EXT2: variants seen among roughly 807,000 people sequenced by gnomAD.
The protein encoded by EXT2 is exostosin-2.
A neutral mutation model predicts 81.6 loss-of-function variants in EXT2; 53 were observed. The observed-to-expected ratio is 0.65, with a 90% confidence interval of 0.52 to 0.82. EXT2 has a LOEUF of 0.82. EXT2 is among the 40% of genes least tolerant of loss of function. The pLI, the probability that EXT2 is intolerant of heterozygous loss-of-function variation, is 0.00. For synonymous variants in EXT2, 320 were observed against 340.0 expected (o/e 0.94, Z 0.65); for missense variants, 774 against 910.2 (o/e 0.85, Z 1.93).
At chr11:44,126,707 C>T (rs1954409739) in intron 5 of EXT2, 109 bp from the exon 6 acceptor site, 1 of 1,379,204 alleles carries the variant, frequency 7.3e-7, no homozygotes, top group Non-Finnish European at 1.0e-6. Context: ...CAAGATGCCT[C>T]AGTATTGCTT....
At chr11:44,224,872 A>T (rs559095441) in intron 10 of EXT2, among the ~76,000 whole-genome samples, 1 of 152,272 alleles carries the variant, frequency 6.6e-6, no homozygotes, top group South Asian at 2.1e-4. Context: ...ACCAAAATCA[A>T]CTTGAAATTT....
At chr11:44,119,333 C>G (rs1954283858) in intron 4 of EXT2, among the ~76,000 whole-genome samples, 1 of 151,676 alleles carries the variant, frequency 6.6e-6, no homozygotes, top group African/African-American at 2.4e-5. Flanking sequence ...CAAAAGGATG[C>G]ACAGCACAGT....
At chr11:44,115,759 C>G (rs1279804017) in intron 4 of EXT2, 1 of 152,172 alleles carries the variant, frequency 6.6e-6, no homozygotes, top group Non-Finnish European at 1.5e-5. Context: ...CAGGAGAAGA[C>G]ATCTCTCTCC....
intron 8 of EXT2, among the ~76,000 whole-genome samples, chr11:44,178,155 G>T (rs1034994684): frequency 6.6e-6 from 1 of 152,232 alleles, no homozygotes; most frequent in Non-Finnish European, 1.5e-5. Context: ...ATGTGGTAGA[G>T]TGTGCCATGG....
At chr11:44,166,425 G>A (rs960418273) in intron 7 of EXT2, among the ~76,000 whole-genome samples, 7 of 152,234 alleles carry the variant, frequency 4.6e-5, no homozygotes, top group African/African-American at 1.7e-4. Context: ...GAGGCAGCCA[G>A]CTGTGTACCC....
At chr11:44,173,863 G>A (rs892375435) in intron 8 of EXT2, among the ~76,000 whole-genome samples, 3 of 151,858 alleles carry the variant, frequency 2.0e-5, no homozygotes, top group East Asian at 3.9e-4. Context: ...CACCGCGCCC[G>A]GCCTTTTTTT....
Position 44,107,826 on chromosome 11 carries a change from T to TGGG in EXT2, c.115_116insGGG (p.Ile38_Ala39insGly), listed in dbSNP as rs1343243444. On this transcript the variant is annotated inframe_insertion, in exon 2 of 14. Transcript: ENST00000533608. ...TCTCCATTGTCCTCCTGGGCCTCAT[T>TGGG]GCCACTGGCATGTTTCAGTTTTGGC... 1 of 1,614,046 alleles carries TGGG rather than the reference T, an allele frequency of 6.2e-7. No individual in the cohort carries two copies. Among genetic ancestry groups the TGGG allele is most frequent in the African/African-American group, 1.3e-5 (1 of 74,898 alleles).
intron 4 of EXT2, among the ~76,000 whole-genome samples, chr11:44,114,540 C>A (rs113907119): frequency 2.9e-4 from 44 of 152,272 alleles, no homozygotes; most frequent in African/African-American, 1.0e-3. Context: ...CATGTGGTAT[C>A]CTTAACTCCG....
rs1237628251 is a variant in EXT2 at position 44,246,307 on chromosome 11, C to G, written c.*2020C>G. On this transcript the variant is annotated 3_prime_UTR_variant, in exon 14 of 14. Coordinates refer to ENST00000533608, the MANE Select transcript of EXT2 (RefSeq NM_207122.2). Reference sequence around the variant, plus strand: ...GCCCTGGTTTCTTCAAATTTCTGCCCTTTTGCTCATCATCGAATGCACTAC... The same window carrying G: ...GCCCTGGTTTCTTCAAATTTCTGCCGTTTTGCTCATCATCGAATGCACTAC... Among the ~76,000 whole-genome samples, 2 of 152,180 alleles carry G rather than the reference C, an allele frequency of 1.3e-5. No individual in the cohort carries two copies. Among genetic ancestry groups the G allele is most frequent in the Non-Finnish European group, 2.9e-5 (2 of 68,030 alleles).
intron 13 of EXT2, among the ~76,000 whole-genome samples, chr11:44,243,319 T>A (rs907386679): frequency 6.6e-6 from 1 of 152,166 alleles, no homozygotes. Context: ...CCCGAACACA[T>A]GCCTGACCTG....
chr11:44,114,069 T>C (rs1954184756), intron 3 of EXT2, 116 bp from the exon 4 acceptor site: 2 of 940,828 alleles, frequency 2.1e-6, no homozygotes, highest in Non-Finnish European at 1.7e-6. Flanking sequence ...AAACTGACTC[T>C]GTAAACGTTA....
At chr11:44,141,775 C>T (rs904888994) in intron 7 of EXT2, among the ~76,000 whole-genome samples, 4 of 152,156 alleles carry the variant, frequency 2.6e-5, no homozygotes, top group Non-Finnish European at 5.9e-5. Context: ...AGGAAATAGC[C>T]TCCCTAATAA....
chr11:44,233,760 C>A (rs1955925704), intron 11 of EXT2, among the ~76,000 whole-genome samples: 1 of 151,978 alleles, frequency 6.6e-6, no homozygotes, highest in Non-Finnish European at 1.5e-5. Flanking sequence ...AACAAAAAAA[C>A]CCAAAAACTA....
At chr11:44,147,128 G>A (rs770086980) in intron 7 of EXT2, among the ~76,000 whole-genome samples, 10 of 152,150 alleles carry the variant, frequency 6.6e-5, no homozygotes, top group Non-Finnish European at 1.0e-4. Flanking sequence ...AGATCAACCC[G>A]CCCCAGCACA....
At position 44,114,253 on chromosome 11, in the gene EXT2, T is replaced by C; in HGVS notation, c.695T>C (p.Val232Ala). Residue 232 changes from valine (V) to alanine (A), a missense_variant, in exon 4 of 14, where the codon GTC (valine) becomes GCC (alanine). Transcript: ENST00000533608. ...YRQGYDVSIPVYSPLSAEVDL... is the reference protein window; with the variant it reads ...YRQGYDVSIPAYSPLSAEVDL... Reference sequence around the variant, plus strand: ...CAAGGCTACGATGTCAGCATTCCTGTCTATAGTCCACTGTCAGCTGAGGTG... The same window carrying C: ...CAAGGCTACGATGTCAGCATTCCTGCCTATAGTCCACTGTCAGCTGAGGTG... The C allele has an allele frequency of 6.2e-7, 1 of 1,614,106 alleles. No homozygotes were observed. The highest frequency in any genetic ancestry group is 1.1e-5 in the South Asian group (1 of 91,086).
intron 4 of EXT2, among the ~76,000 whole-genome samples, chr11:44,119,124 T>TTATATA (rs200249806): frequency 0.015 from 380 of 25,364 alleles, 3 homozygotes; most frequent in Middle Eastern, 0.028. Context: ...ATTTGGCTAT[T>TTATATA]TATATATATA....
chr11:44,160,918 A>T (rs1337560940), intron 7 of EXT2, among the ~76,000 whole-genome samples: 2 of 152,070 alleles, frequency 1.3e-5, no homozygotes, highest in African/African-American at 4.8e-5. Context: ...AAGCTCTTGG[A>T]TTTATTTTCA....
intron 7 of EXT2, among the ~76,000 whole-genome samples, chr11:44,135,655 G>A (rs1271286415): frequency 6.6e-6 from 1 of 152,134 alleles, no homozygotes; most frequent in Non-Finnish European, 1.5e-5. Context: ...GCCTCCCAAA[G>A]TGCTGGGATT....
intron 4 of EXT2, among the ~76,000 whole-genome samples, chr11:44,119,175 T>G (rs71452723): frequency 4.7e-5 from 5 of 105,738 alleles, no homozygotes; most frequent in African/African-American, 7.0e-5. Flanking sequence ...TATATACACA[T>G]ACACACACAC....
Sources: allele counts gnomAD v4.1 joint callset (sites outside exome capture counted in the v4.1 genomes callset), GRCh38; gene constraint gnomAD v4.1.1; transcripts MANE v1.5; gene names NCBI Gene and HGNC (gene_info 2026-07-23, HGNC 2026-07-21).